The following ASMT variants were observed in gnomAD, a reference collection of about 807,000 sequenced individuals.
The protein encoded by ASMT is acetylserotonin N-methyltransferase.
Under a neutral mutation model 41.3 loss-of-function variants are expected in ASMT, and 53 were observed. That is an observed-to-expected ratio of 1.28 (90% CI 1.03 to 1.61). The LOEUF is 1.61. ASMT is among the 40% of genes most tolerant of loss of function. The pLI, the probability that ASMT is intolerant of heterozygous loss-of-function variation, is 0.00. For missense variants in ASMT, 531 were observed against 441.3 expected (o/e 1.20, Z -1.82); for synonymous variants, 231 against 184.8 (o/e 1.25, Z -2.03).
Position 1,642,992 on chromosome X carries a change from A to G in ASMT, c.1100A>G (p.Asp367Gly). Reference sequence around the variant, plus strand: ...TTTAAGAAAACAGGAGCCATTTATGATGCCATTTTAGCCAGGAAATAACTG... The same window carrying G: ...TTTAAGAAAACAGGAGCCATTTATGGTGCCATTTTAGCCAGGAAATAACTG... ...FQFKKTGAIY[D>G]AILARK is the part of the protein sequence containing the mutation. The change falls in exon 9 of 9, where the codon GAT becomes GGT. Residue 367 changes from aspartate (D) to glycine (G), a missense_variant. By Grantham distance (94) the Asp-to-Gly change is moderately conservative. Coordinates refer to ENST00000381241, the MANE Select transcript of ASMT (RefSeq NM_001171038.2). 6.2e-7 allele frequency: 1 copy of G among 1,613,926 alleles called. No homozygotes were observed.
intron 1 of ASMT, among the ~76,000 whole-genome samples, chrX:1,619,649 G>C (rs1934269008): frequency 6.7e-6 from 1 of 149,524 alleles, no homozygotes; most frequent in African/African-American, 2.4e-5. Context: ...AACAGAAACA[G>C]TTAATGCACC....
At chrX:1,625,933 C>A (rs778575103) in intron 3 of ASMT, among the ~76,000 whole-genome samples, 3 of 120,560 alleles carry the variant, frequency 2.5e-5, no homozygotes, top group Admixed American at 1.1e-4. Flanking sequence ...CCAGCCTGGG[C>A]GACAGAGCGA....
chrX:1,615,158 C>G lies in ASMT; in HGVS notation c.-42C>G, dbSNP rs369159859. 2 of 1,548,694 alleles carry G rather than the reference C, an allele frequency of 1.3e-6. No individual in the cohort carries two copies. Among genetic ancestry groups the G allele is most frequent in the South Asian group, 1.2e-5 (1 of 84,482 alleles). ...CAGGCTCTGTGCTCCTTGAAGCAAG[C>G]GCTCCAGAGGCTCCGGAAGCCACGG... On this transcript the variant is annotated 5_prime_UTR_variant, in exon 1 of 9. Transcript: ENST00000381241.
chrX:1,631,242 G>C (rs1262313132), intron 5 of ASMT, among the ~76,000 whole-genome samples: 1 of 151,484 alleles, frequency 6.6e-6, no homozygotes, highest in African/African-American at 2.4e-5. Context: ...TAGAGAACGA[G>C]TCTCCCTATG....
At chrX:1,622,449 C>G (rs1487236671) in intron 1 of ASMT, among the ~76,000 whole-genome samples, 11 of 151,398 alleles carry the variant, frequency 7.3e-5, no homozygotes, top group African/African-American at 2.4e-4. Flanking sequence ...AGCCACCACG[C>G]CCGGCTAATT....
At chrX:1,617,038 T>C (rs1361059009) in intron 1 of ASMT, among the ~76,000 whole-genome samples, 2 of 151,888 alleles carry the variant, frequency 1.3e-5, no homozygotes, top group African/African-American at 4.8e-5. Flanking sequence ...CCAGGTGGGG[T>C]GGTGCACACC....
chrX:1,619,591 A>ATAATAATAAAAAGT (rs1569370450), intron 1 of ASMT, among the ~76,000 whole-genome samples: 3 of 147,190 alleles, frequency 2.0e-5, no homozygotes, highest in African/African-American at 7.4e-5. Flanking sequence ...TAATAATAAA[A>ATAATAATAAAAAGT]AGTCTTTGGG....
chrX:1,618,181 G>A (rs1430557464), intron 1 of ASMT, among the ~76,000 whole-genome samples: 7 of 151,670 alleles, frequency 4.6e-5, no homozygotes, highest in South Asian at 2.1e-4. Context: ...TTATTTTTCT[G>A]ATATGGAGTT....
intron 1 of ASMT, among the ~76,000 whole-genome samples, chrX:1,615,925 G>C (rs1934078775): frequency 1.3e-5 from 2 of 151,266 alleles, no homozygotes; most frequent in Non-Finnish European, 1.5e-5. Flanking sequence ...TTTCATGATA[G>C]AGTAGTATAT....
chrX:1,641,886 G>A (rs1935189283), intron 8 of ASMT, among the ~76,000 whole-genome samples: 1 of 148,880 alleles, frequency 6.7e-6, no homozygotes, highest in Non-Finnish European at 1.5e-5. Context: ...AGTGTCCTGT[G>A]AGGTCCACCC....
intron 1 of ASMT, among the ~76,000 whole-genome samples, chrX:1,620,299 A>G (rs1569370774): frequency 6.7e-6 from 1 of 149,706 alleles, no homozygotes; most frequent in East Asian, 2.1e-4. Flanking sequence ...AGCCTCCCGA[A>G]TAGGTGGGAT....
chrX:1,623,560 C>T (rs1454541860), intron 2 of ASMT, among the ~76,000 whole-genome samples: 7 of 152,158 alleles, frequency 4.6e-5, no homozygotes, highest in Admixed American at 4.6e-4. Context: ...GATCGTGCCA[C>T]TGCACTCCAG....
chrX:1,617,552 G>A (rs1218950510), intron 1 of ASMT, among the ~76,000 whole-genome samples: 1 of 152,060 alleles, frequency 6.6e-6, no homozygotes, highest in Non-Finnish European at 1.5e-5. Context: ...AGCAGCTCTC[G>A]TGTGACTTGA....
intron 3 of ASMT, among the ~76,000 whole-genome samples, chrX:1,625,415 G>C (rs1175492868): frequency 2.0e-5 from 3 of 151,290 alleles, no homozygotes; most frequent in Non-Finnish European, 4.4e-5. Context: ...AGAACTGCTT[G>C]AACCCAGAAG....
chrX:1,633,422 G>C (rs1472769726), intron 7 of ASMT, 132 bp downstream of exon 7: 4 of 1,032,488 alleles, frequency 3.9e-6, no homozygotes, highest in East Asian at 4.7e-5. Context: ...ACTCAACACT[G>C]TCTGTTATTC....
intron 1 of ASMT, among the ~76,000 whole-genome samples, chrX:1,615,627 A>G (rs1481289804): frequency 9.9e-5 from 15 of 151,672 alleles, no homozygotes; most frequent in Non-Finnish European, 2.1e-4. Flanking sequence ...ACACAGAGAA[A>G]CCCCATCTCT....
Position 1,615,066 on chromosome X carries a change from T to C in ASMT, c.-134T>C. ...CTAGAGTGATCCGTCTTTGTTTGAGTACTGGGCAGGCAGCAGGGAGAGTCA... is the reference window on the plus strand; with the variant it reads ...CTAGAGTGATCCGTCTTTGTTTGAGCACTGGGCAGGCAGCAGGGAGAGTCA... On this transcript the variant is annotated 5_prime_UTR_variant, in exon 1 of 9. Transcript: ENST00000381241. 1 of 754,844 alleles carries C rather than the reference T, an allele frequency of 1.3e-6. No individual in the cohort carries two copies. The highest frequency in any genetic ancestry group is 2.4e-6 in the Non-Finnish European group (1 of 420,414). 46.8% of individuals were successfully genotyped at this position (754,844 alleles called of 1,614,324 possible).
rs1569384296 is a variant in ASMT at position 1,636,968 on chromosome X, G to GCT, written c.910+408_910+409insCT. Among the ~76,000 whole-genome samples the GCT allele has an allele frequency of 1.1e-3, 87 of 82,104 alleles. 2 individuals are homozygous for GCT. Among genetic ancestry groups the GCT allele is most frequent in the Middle Eastern group, 5.2e-3 (1 of 192 alleles). 53.9% of individuals were successfully genotyped at this position (82,104 alleles called of 152,430 possible). Reference sequence around the variant, plus strand: ...TCCTGTGAGGTCCATCCATCCTGATGGCACATGAGGATGTGGGCACAGCCT... The same window carrying GCT: ...TCCTGTGAGGTCCATCCATCCTGATGCTGCACATGAGGATGTGGGCACAGCCT... On this transcript the variant is annotated intron_variant, in intron 8 of 8. Transcript: ENST00000381241.
Position 1,615,178 on chromosome X carries a change from C to A in ASMT, c.-22C>A. The A allele has an allele frequency of 1.9e-6, 3 of 1,579,516 alleles. No individual in the cohort carries two copies. The highest frequency in any genetic ancestry group is 2.6e-6 in the Non-Finnish European group (3 of 1,162,764). ...GCAAGCGCTCCAGAGGCTCCGGAAG[C>A]CACGGCTGGATTGGAGACAAGATGG... On this transcript the variant is annotated 5_prime_UTR_variant, in exon 1 of 9. Transcript: ENST00000381241.
Sources: allele counts gnomAD v4.1 joint callset (sites outside exome capture counted in the v4.1 genomes callset), GRCh38; gene constraint gnomAD v4.1.1; transcripts MANE v1.5; gene names NCBI Gene and HGNC (gene_info 2026-07-23, HGNC 2026-07-21).